TNRC6B: variants seen among roughly 807,000 people sequenced by gnomAD.
TNRC6B encodes trinucleotide repeat containing adaptor 6B, also known as trinucleotide repeat-containing gene 6B protein.
Under a neutral mutation model 203.6 loss-of-function variants are expected in TNRC6B, and 52 were observed. The ratio of observed to expected loss-of-function variants is 0.26; its 90% CI spans 0.20 to 0.32. The LOEUF (loss-of-function observed/expected upper bound fraction) is 0.32. Among genes scored for constraint, TNRC6B ranks in the 10% least tolerant of loss-of-function variants. The pLI is 1.00. For synonymous variants in TNRC6B, 838 were observed against 845.7 expected (o/e 0.99, Z 0.16); for missense variants, 1,923 against 2,286.2 (o/e 0.84, Z 3.24).
At chr22:40,093,703 T>C (rs919032968) in intron 1 of TNRC6B, among the ~76,000 whole-genome samples, 9 of 152,236 alleles carry the variant, frequency 5.9e-5, no homozygotes, top group African/African-American at 1.9e-4. Context: ...AAGAGTATTT[T>C]TGAGCTTTCA....
chr22:40,311,576 T>TG (rs2071182576), intron 17 of TNRC6B, among the ~76,000 whole-genome samples: 4 of 151,942 alleles, frequency 2.6e-5, no homozygotes, highest in Admixed American at 2.6e-4. Flanking sequence ...AGTTTTGCTC[T>TG]TATTACCCAG....
chr22:40,178,194 T>A, intron 1 of TNRC6B, 54 bp downstream of exon 1: 1 of 1,598,284 alleles, frequency 6.3e-7, no homozygotes, highest in Non-Finnish European at 8.6e-7. Flanking sequence ...GGATCTTGTC[T>A]AACCGTTTTC....
chr22:40,284,252 A>G (rs2070755585), intron 11 of TNRC6B, among the ~76,000 whole-genome samples: 1 of 152,212 alleles, frequency 6.6e-6, no homozygotes, highest in Admixed American at 6.5e-5. Flanking sequence ...TATGTTTAGA[A>G]TCATTTTTAT....
intron 1 of TNRC6B, among the ~76,000 whole-genome samples, chr22:40,109,099 C>G (rs531574291): frequency 6.6e-6 from 1 of 152,126 alleles, no homozygotes; most frequent in Non-Finnish European, 1.5e-5. Context: ...CGTGTTCCTG[C>G]GAAGCACATG....
chr22:40,060,223 A>T (rs111512076), intron 1 of TNRC6B, among the ~76,000 whole-genome samples: 6,399 of 96,922 alleles, frequency 0.066, 417 homozygotes, highest in African/African-American at 0.2. Flanking sequence ...TATTTTTATT[A>T]TTTTTTTATT....
chr22:40,264,075 G>C (rs906987240), intron 4 of TNRC6B, among the ~76,000 whole-genome samples: 23 of 152,222 alleles, frequency 1.5e-4, no homozygotes, highest in African/African-American at 5.5e-4. Flanking sequence ...AAATTTCACT[G>C]TGTGAATTCA....
chr22:40,091,130 C>T (rs773586609), intron 1 of TNRC6B, among the ~76,000 whole-genome samples: 4 of 152,148 alleles, frequency 2.6e-5, no homozygotes, highest in African/African-American at 4.8e-5. Context: ...TACAGGCGCC[C>T]GCCACCACAC....
chr22:40,102,740 A>G (rs1288491598), intron 1 of TNRC6B, among the ~76,000 whole-genome samples: 1 of 152,022 alleles, frequency 6.6e-6, no homozygotes, highest in African/African-American at 2.4e-5. Context: ...GAGTTAAGAG[A>G]CCAGCCTGGG....
chr22:40,049,396 G>T (rs753625170), intron 1 of TNRC6B, among the ~76,000 whole-genome samples: 2 of 152,050 alleles, frequency 1.3e-5, no homozygotes, highest in African/African-American at 2.4e-5. Flanking sequence ...CTTTTGGGGC[G>T]TCGTTCCTTT....
At chr22:40,312,303 A>C (rs975601337) in intron 17 of TNRC6B, among the ~76,000 whole-genome samples, 1 of 152,216 alleles carries the variant, frequency 6.6e-6, no homozygotes, top group African/African-American at 2.4e-5. Context: ...TGACTGCCAC[A>C]GACAGTGTGA....
At chr22:40,075,475 C>G (rs1334059212) in intron 1 of TNRC6B, among the ~76,000 whole-genome samples, 2 of 151,354 alleles carry the variant, frequency 1.3e-5, no homozygotes, top group Non-Finnish European at 2.9e-5. Context: ...ATTTGTATAT[C>G]TTTTTGTTTC....
chr22:40,113,592 A>G (rs757070842), intron 1 of TNRC6B, among the ~76,000 whole-genome samples: 4 of 152,216 alleles, frequency 2.6e-5, no homozygotes, highest in African/African-American at 7.2e-5. Flanking sequence ...CGTGAGCTCA[A>G]TCAATCTGCC....
chr22:40,139,450 C>T (rs921304031), intron 3 of TNRC6B, among the ~76,000 whole-genome samples: 1 of 151,590 alleles, frequency 6.6e-6, no homozygotes, highest in South Asian at 2.1e-4. Context: ...TCCTGCCTCA[C>T]CCTCCTGAGT....
At chr22:40,307,885 G>T (rs544204993) in intron 15 of TNRC6B, among the ~76,000 whole-genome samples, 6 of 151,948 alleles carry the variant, frequency 3.9e-5, no homozygotes, top group African/African-American at 1.5e-4. Context: ...AAAAAGATCC[G>T]AACTCCTTGG....
intron 1 of TNRC6B, among the ~76,000 whole-genome samples, chr22:40,070,000 A>C (rs115686544): frequency 7.6e-4 from 116 of 152,212 alleles, no homozygotes; most frequent in Middle Eastern, 3.4e-3. Context: ...TGTAGGTACA[A>C]GTGTTGTATT....
At chr22:40,290,867 G>C (rs1028561784) in intron 12 of TNRC6B, among the ~76,000 whole-genome samples, 1 of 152,238 alleles carries the variant, frequency 6.6e-6, no homozygotes, top group East Asian at 1.9e-4. Context: ...TGGAATTGTT[G>C]GGAAAGTTGC....
chr22:40,202,306 A>G (rs1228618914), intron 1 of TNRC6B, among the ~76,000 whole-genome samples: 1 of 145,294 alleles, frequency 6.9e-6, no homozygotes, highest in Non-Finnish European at 1.5e-5. Flanking sequence ...CAAATGACCA[A>G]CTTTCTATAT....
At chr22:40,183,696 GT>G (rs745330986) in intron 1 of TNRC6B, among the ~76,000 whole-genome samples, 117 of 142,794 alleles carry the variant, frequency 8.2e-4, no homozygotes, top group South Asian at 1.1e-3. Context: ...TTACTAGGTT[GT>G]TTTTTTTTTT....
intron 1 of TNRC6B, among the ~76,000 whole-genome samples, chr22:40,064,497 A>G (rs1277595754): frequency 6.6e-6 from 1 of 151,640 alleles, no homozygotes; most frequent in Non-Finnish European, 1.5e-5. Context: ...TTCTATTGAG[A>G]TGATCATCTA....
Sources: gnomAD v4.1 joint callset for allele counts (sites outside exome capture counted in the v4.1 genomes callset) on GRCh38, gnomAD v4.1.1 for gene constraint, MANE v1.5 for transcripts, NCBI Gene and HGNC (gene_info 2026-07-23, HGNC 2026-07-21) for gene names.